The following LDB2 variants were observed in gnomAD, a reference collection of about 807,000 sequenced individuals.
LDB2 encodes LIM domain-binding protein 2.
A neutral mutation model predicts 44.3 loss-of-function variants in LDB2; 12 were observed. The observed-to-expected ratio is 0.27, with a 90% confidence interval of 0.17 to 0.44. LDB2 has a LOEUF of 0.44. Ranked by LOEUF, LDB2 falls within the 20% of genes least tolerant of loss-of-function variation. The pLI, the probability that LDB2 is intolerant of heterozygous loss-of-function variation, is 1.00. For synonymous variants in LDB2, 164 were observed against 174.8 expected (o/e 0.94, Z 0.49); for missense variants, 344 against 473.5 (o/e 0.73, Z 2.54).
intron 3 of LDB2, among the ~76,000 whole-genome samples, chr4:16,589,980 G>T (rs551449389): frequency 2.0e-5 from 3 of 152,110 alleles, no homozygotes; most frequent in Non-Finnish European, 4.4e-5. Flanking sequence ...AGTTATGTAC[G>T]TAGGCTACCT....
At chr4:16,739,686 ATGTATATATACATATATG>A (rs1762765621) in intron 2 of LDB2, among the ~76,000 whole-genome samples, 3 of 93,232 alleles carry the variant, frequency 3.2e-5, no homozygotes, top group South Asian at 6.2e-4. Flanking sequence ...GTGTGTATAT[ATGTATATATACATATATG>A]TGTATATATG....
chr4:16,676,882 A>C (rs1746472181), intron 2 of LDB2, among the ~76,000 whole-genome samples: 1 of 152,210 alleles, frequency 6.6e-6, no homozygotes, highest in African/African-American at 2.4e-5. Flanking sequence ...ATTTGCAAGC[A>C]TGGGAGAGTA....
chr4:16,833,542 C>CT (rs1386621073), intron 1 of LDB2, among the ~76,000 whole-genome samples: 238 of 125,666 alleles, frequency 1.9e-3, no homozygotes, highest in Middle Eastern at 8.6e-3. Context: ...CAATCTTTTC[C>CT]TCTTTTTTTT....
chr4:16,726,234 C>G (rs1759428740), intron 2 of LDB2: 1 of 152,132 alleles, frequency 6.6e-6, no homozygotes, highest in Non-Finnish European at 1.5e-5. Context: ...GGCAAATGCT[C>G]AGTTTACAGT....
intron 1 of LDB2, among the ~76,000 whole-genome samples, chr4:16,768,548 C>CA (rs145820467): frequency 0.036 from 5,291 of 148,396 alleles, 134 homozygotes; most frequent in East Asian, 0.079. Flanking sequence ...AGAAAGAAGA[C>CA]AAAAAAAAAA....
chr4:16,723,192 C>G (rs1758684795), intron 2 of LDB2, among the ~76,000 whole-genome samples: 1 of 150,288 alleles, frequency 6.7e-6, no homozygotes, highest in Admixed American at 6.7e-5. Context: ...AGCTCCCTGT[C>G]TGACTTTGGT....
At chr4:16,615,180 G>A (rs1028830471) in intron 2 of LDB2, among the ~76,000 whole-genome samples, 1 of 151,448 alleles carries the variant, frequency 6.6e-6, no homozygotes, top group Non-Finnish European at 1.5e-5. Context: ...TTCAACCATT[G>A]TGGAAGACAG....
chr4:16,788,985 T>C (rs1444258463), intron 1 of LDB2, among the ~76,000 whole-genome samples: 2 of 152,102 alleles, frequency 1.3e-5, no homozygotes, highest in African/African-American at 2.4e-5. Context: ...GCTATGGGGT[T>C]TTTTTTTCTG....
chr4:16,676,710 A>G (rs1746430689), intron 2 of LDB2, among the ~76,000 whole-genome samples: 1 of 152,258 alleles, frequency 6.6e-6, no homozygotes, highest in Non-Finnish European at 1.5e-5. Flanking sequence ...AGGGTGATGT[A>G]AGAATGGGAC....
chr4:16,898,643 A>G lies in LDB2; in HGVS notation c.-158T>C. The G allele has an allele frequency of 2.5e-6, 1 of 396,326 alleles. No individual in the cohort carries two copies. The allele number at this position is 396,326 out of a possible 1,614,324, so 24.6% of individuals were successfully genotyped here. On this transcript the variant is annotated 5_prime_UTR_variant, in exon 1 of 8. Coordinates refer to ENST00000304523, the MANE Select transcript of LDB2 (RefSeq NM_001290.5). Reference sequence around the variant, plus strand: ...GGCAGGCTGAACACGCTGGCTGGGAACTGCTGTCGGAGCCCTCTATAGCAG... The same window carrying G: ...GGCAGGCTGAACACGCTGGCTGGGAGCTGCTGTCGGAGCCCTCTATAGCAG...
At chr4:16,765,010 C>T (rs141791124) in intron 1 of LDB2, among the ~76,000 whole-genome samples, 34 of 152,332 alleles carry the variant, frequency 2.2e-4, no homozygotes, top group African/African-American at 7.7e-4. Flanking sequence ...TGCATTGAGA[C>T]TGACCAGTCT....
chr4:16,793,943 C>T (rs1430829119), intron 1 of LDB2, among the ~76,000 whole-genome samples: 1 of 152,068 alleles, frequency 6.6e-6, no homozygotes, highest in Non-Finnish European at 1.5e-5. Flanking sequence ...TATCTGGGAC[C>T]TGCAGCTCCT....
chr4:16,745,391 G>C (rs1764199372), intron 2 of LDB2, among the ~76,000 whole-genome samples: 1 of 152,194 alleles, frequency 6.6e-6, no homozygotes, highest in African/African-American at 2.4e-5. Context: ...AGTCAAGCGT[G>C]AACTTTCTGA....
chr4:16,608,680 C>T (rs1724676764), intron 2 of LDB2, among the ~76,000 whole-genome samples: 1 of 152,164 alleles, frequency 6.6e-6, no homozygotes, highest in South Asian at 2.1e-4. Flanking sequence ...GCCATTATCC[C>T]ATCATTCTTC....
At chr4:16,773,281 C>G (rs193011588) in intron 1 of LDB2, among the ~76,000 whole-genome samples, 1 of 152,054 alleles carries the variant, frequency 6.6e-6, no homozygotes, top group African/African-American at 2.4e-5. Context: ...CTCTGGGGGA[C>G]GGTTTCAGGA....
At chr4:16,593,300 G>A (rs1166958770) in intron 3 of LDB2, among the ~76,000 whole-genome samples, 1 of 152,072 alleles carries the variant, frequency 6.6e-6, no homozygotes, top group Non-Finnish European at 1.5e-5. Context: ...ATAAGCATTG[G>A]CTTCTGGACC....
At chr4:16,676,622 CA>C (rs756912233) in intron 2 of LDB2, among the ~76,000 whole-genome samples, 7 of 152,230 alleles carry the variant, frequency 4.6e-5, no homozygotes, top group Non-Finnish European at 7.3e-5. Flanking sequence ...TCTGACAATA[CA>C]AACAGCTCTA....
intron 2 of LDB2, among the ~76,000 whole-genome samples, chr4:16,693,150 C>A (rs1751199188): frequency 6.6e-6 from 1 of 152,058 alleles, no homozygotes; most frequent in Non-Finnish European, 1.5e-5. Context: ...CTGAGATACA[C>A]AAGGAGTGAG....
chr4:16,766,511 T>TG (rs1491277378), intron 1 of LDB2, among the ~76,000 whole-genome samples: 1 of 10,678 alleles, frequency 9.4e-5, no homozygotes, highest in African/African-American at 2.0e-4. Context: ...TGTGTATATA[T>TG]TTTTTTTTTT....
Sources: allele counts gnomAD v4.1 joint callset (sites outside exome capture counted in the v4.1 genomes callset), GRCh38; gene constraint gnomAD v4.1.1; transcripts MANE v1.5; gene names NCBI Gene and HGNC (gene_info 2026-07-23, HGNC 2026-07-21).